LRRTM3: variants seen among roughly 807,000 people sequenced by gnomAD.
LRRTM3 encodes the protein leucine rich repeat transmembrane neuronal 3.
LRRTM3 carries 24 observed loss-of-function variants against 44.7 expected under a neutral mutation model. The observed-to-expected ratio is 0.54, with a 90% confidence interval of 0.39 to 0.76. The LOEUF (loss-of-function observed/expected upper bound fraction) is 0.76, where lower values mean the gene tolerates loss of function less well. Among genes scored for constraint, LRRTM3 ranks in the 30% least tolerant of loss-of-function variants. The probability of loss-of-function intolerance (pLI) is 0.00; values close to 1 mark genes in which losing one functional copy is unlikely to be tolerated. For missense variants in LRRTM3, 587 were observed against 702.2 expected (o/e 0.84, Z 1.85); for synonymous variants, 277 against 278.7 (o/e 0.99, Z 0.06).
chr10:67,054,647 G>A lies in LRRTM3; in HGVS notation c.1537-42940G>A, dbSNP rs145774739. 9.1e-4 allele frequency: 138 copies of A among 152,252 alleles called. 3 individuals are homozygous for A. Among genetic ancestry groups the A allele is most frequent in the African/African-American group, 3.2e-3 (134 of 41,542 alleles). The allele number at this position is 152,252 out of a possible 1,614,324, so 9.4% of individuals were successfully genotyped here. On this transcript the variant is annotated intron_variant, in intron 2 of 2. Coordinates refer to ENST00000361320, the MANE Select transcript of LRRTM3 (RefSeq NM_178011.5). ...TATGATGCAGTATTTCCAATGGCGG[G>A]AGACAGAAACAATGTCACAAAGTGG...
intron 2 of LRRTM3, among the ~76,000 whole-genome samples, chr10:67,021,451 A>C (rs1281140276): frequency 6.6e-6 from 1 of 152,122 alleles, no homozygotes; most frequent in South Asian, 2.1e-4. Context: ...AATTTTAAAT[A>C]CCGTTCATAC....
intron 2 of LRRTM3, among the ~76,000 whole-genome samples, chr10:67,036,831 G>A (rs1854092478): frequency 6.6e-6 from 1 of 152,010 alleles, no homozygotes; most frequent in African/African-American, 2.4e-5. Context: ...TCTGGGAAAT[G>A]AATATTAAAG....
At chr10:67,058,570 A>C (rs1184874074) in intron 2 of LRRTM3, among the ~76,000 whole-genome samples, 1 of 152,126 alleles carries the variant, frequency 6.6e-6, no homozygotes, top group African/African-American at 2.4e-5. Flanking sequence ...CCCTCCTCAC[A>C]AGGTATCATT....
chr10:66,960,830 A>C (rs1849068790), intron 2 of LRRTM3, among the ~76,000 whole-genome samples: 1 of 152,160 alleles, frequency 6.6e-6, no homozygotes, highest in African/African-American at 2.4e-5. Context: ...TGGTAGGGTT[A>C]GGAATAGTGA....
chr10:66,932,332 G>A (rs755328854), intron 2 of LRRTM3, among the ~76,000 whole-genome samples: 7 of 152,076 alleles, frequency 4.6e-5, no homozygotes, highest in Non-Finnish European at 1.0e-4. Flanking sequence ...AACTCAAATC[G>A]TTTATTTAAA....
At chr10:66,933,193 C>T (rs1847506281) in intron 2 of LRRTM3, among the ~76,000 whole-genome samples, 1 of 152,206 alleles carries the variant, frequency 6.6e-6, no homozygotes, top group African/African-American at 2.4e-5. Context: ...TACAGAACCC[C>T]AAGCCCATTT....
chr10:66,948,276 T>C (rs1848374934), intron 2 of LRRTM3, among the ~76,000 whole-genome samples: 1 of 152,172 alleles, frequency 6.6e-6, no homozygotes, highest in Non-Finnish European at 1.5e-5. Context: ...TATAACATAG[T>C]ACCATGTACA....
At chr10:67,006,544 CTT>C (rs34245629) in intron 2 of LRRTM3, among the ~76,000 whole-genome samples, 79,340 of 151,622 alleles carry the variant, frequency 0.52, 21,436 homozygotes, top group Middle Eastern at 0.73. Flanking sequence ...TTTCTATTCT[CTT>C]ATAACTTCAA....
chr10:67,010,480 T>C (rs1381696950), intron 2 of LRRTM3, among the ~76,000 whole-genome samples: 1 of 152,222 alleles, frequency 6.6e-6, no homozygotes, highest in Non-Finnish European at 1.5e-5. Flanking sequence ...ATTTTTGGCT[T>C]ATCACCTCAT....
intron 2 of LRRTM3, among the ~76,000 whole-genome samples, chr10:66,930,921 T>C (rs1366739373): frequency 1.3e-5 from 2 of 152,170 alleles, no homozygotes; most frequent in Non-Finnish European, 2.9e-5. Flanking sequence ...ATGAATCTTC[T>C]GTAATTCTCA....
intron 2 of LRRTM3, among the ~76,000 whole-genome samples, chr10:67,069,309 C>G (rs981200318): frequency 6.6e-6 from 1 of 151,888 alleles, no homozygotes; most frequent in Non-Finnish European, 1.5e-5. Context: ...TTCTTTTACC[C>G]CAATGCAGAA....
chr10:67,079,646 A>G (rs376242095), intron 2 of LRRTM3, among the ~76,000 whole-genome samples: 6 of 152,110 alleles, frequency 3.9e-5, no homozygotes, highest in Non-Finnish European at 5.9e-5. Context: ...TCAGGAGTTC[A>G]AGACCAGCCT....
intron 2 of LRRTM3, among the ~76,000 whole-genome samples, chr10:66,949,845 T>C (rs17297327): frequency 2.0e-5 from 3 of 151,990 alleles, no homozygotes; most frequent in Admixed American, 6.6e-5. Context: ...TAACAATGTG[T>C]GCAGAGAGGA....
At chr10:66,939,731 T>C (rs1201131056) in intron 2 of LRRTM3, among the ~76,000 whole-genome samples, 1 of 152,218 alleles carries the variant, frequency 6.6e-6, no homozygotes, top group African/African-American at 2.4e-5. Context: ...GATTCTTTTT[T>C]GGAACATACG....
At chr10:67,036,238 A>G (rs1298322651) in intron 2 of LRRTM3, among the ~76,000 whole-genome samples, 3 of 151,428 alleles carry the variant, frequency 2.0e-5, no homozygotes, top group African/African-American at 7.3e-5. Flanking sequence ...CTGCAACCTC[A>G]ACCTCCTGGG....
At chr10:67,037,633 A>G (rs758780843) in intron 2 of LRRTM3, among the ~76,000 whole-genome samples, 15 of 152,188 alleles carry the variant, frequency 9.9e-5, no homozygotes, top group Non-Finnish European at 2.2e-4. Flanking sequence ...AACCTGAACT[A>G]AGACACTAAC....
At chr10:67,093,844 C>T (rs189083689) in intron 2 of LRRTM3, among the ~76,000 whole-genome samples, 1 of 152,020 alleles carries the variant, frequency 6.6e-6, no homozygotes. Flanking sequence ...CAAATTATGG[C>T]ACTAACACAA....
chr10:66,988,892 C>T (rs532957418), intron 2 of LRRTM3, among the ~76,000 whole-genome samples: 2 of 151,988 alleles, frequency 1.3e-5, no homozygotes, highest in Admixed American at 6.6e-5. Flanking sequence ...TTAAATACAC[C>T]GGGTTCCCCT....
chr10:67,060,253 G>A (rs886424585), intron 2 of LRRTM3, among the ~76,000 whole-genome samples: 7 of 152,138 alleles, frequency 4.6e-5, no homozygotes, highest in African/African-American at 1.7e-4. Context: ...GGGAGGTAGA[G>A]GCTGCAGTGA....
Sources: gnomAD v4.1 joint callset for allele counts (sites outside exome capture counted in the v4.1 genomes callset) on GRCh38, gnomAD v4.1.1 for gene constraint, MANE v1.5 for transcripts, NCBI Gene and HGNC (gene_info 2026-07-23, HGNC 2026-07-21) for gene names.